The following NRXN2 variants were observed in gnomAD, a reference collection of about 807,000 sequenced individuals.
The protein encoded by NRXN2 is neurexin-2-beta.
A neutral mutation model predicts 128.8 loss-of-function variants in NRXN2; 29 were observed. The ratio of observed to expected loss-of-function variants is 0.23; its 90% confidence interval spans 0.17 to 0.31. The LOEUF is 0.31. NRXN2 is among the 10% of genes least tolerant of loss of function. The pLI is 1.00. For missense variants in NRXN2, 1,881 were observed against 2,452.6 expected, an observed-to-expected ratio of 0.77 and a Z score of 4.92; for synonymous variants, 1,098 against 1,075.2, an observed-to-expected ratio of 1.02 and a Z score of -0.41.
At chr11:64,720,584 C>T (rs773201060) in intron 1 of NRXN2, among the ~76,000 whole-genome samples, 26 of 151,836 alleles carry the variant, frequency 1.7e-4, no homozygotes, top group Non-Finnish European at 5.9e-5. Flanking sequence ...GGCCCTGCGC[C>T]GAAGGTACAA....
At position 64,713,075 on chromosome 11, in the gene NRXN2, C is replaced by A; in HGVS notation, c.625G>T (p.Ala209Ser). ...CCGCCGTTGGCGCAGGGGTTGCGCGCGGGCGCGCACAGCGGGTCGGCGGTG... is the reference window on the plus strand; with the variant it reads ...CCGCCGTTGGCGCAGGGGTTGCGCGAGGGCGCGCACAGCGGGTCGGCGGTG... ...GATADPLCAPARNPCANGGLC... is the reference protein window; with the variant it reads ...GATADPLCAPSRNPCANGGLC... The change falls in exon 2 of 23, where the codon GCG becomes TCG. Residue 209 changes from alanine to serine, a missense_variant. Physicochemically the swap from Ala to Ser is moderately conservative, Grantham distance 99. This residue lies in a region of NRXN2 where 997 missense variants were observed against 1,240.8 expected (regional missense o/e 0.80). Transcript: ENST00000265459. 1 of 1,294,548 alleles carries A rather than the reference C, an allele frequency of 7.7e-7. No individual in the cohort carries two copies. Among genetic ancestry groups the A allele is most frequent in the South Asian group, 2.6e-5 (1 of 38,368 alleles). The allele number at this position is 1,294,548 out of a possible 1,614,324, so 80.2% of individuals were successfully genotyped here.
In NRXN2 at chr11:64,723,104, C is replaced by T. The variant is rs1380667280; in HGVS notation, c.-378G>A. ...TCTCTCCCTCCCCGCCGCGTCCCCGCCCGCCCGCCCGCCCCGCCGCGGTGC... is the reference window on the plus strand; with the variant it reads ...TCTCTCCCTCCCCGCCGCGTCCCCGTCCGCCCGCCCGCCCCGCCGCGGTGC... On this transcript the variant is annotated 5_prime_UTR_variant, in exon 1 of 23. Coordinates refer to ENST00000265459, the MANE Select transcript of NRXN2 (RefSeq NM_015080.4). The T allele has an allele frequency of 7.7e-6, 1 of 130,706 alleles. No individual in the cohort carries two copies. Among genetic ancestry groups the T allele is most frequent in the East Asian group, 2.4e-4 (1 of 4,252 alleles). The allele number at this position is 130,706 out of a possible 1,614,324, so 8.1% of individuals were successfully genotyped here.
chr11:64,693,345 A>G (rs1158738394), intron 3 of NRXN2, among the ~76,000 whole-genome samples: 3 of 148,296 alleles, frequency 2.0e-5, no homozygotes, highest in Non-Finnish European at 4.5e-5. Context: ...AGGCGGAGAG[A>G]AAAAAAAACA....
chr11:64,626,087 G>A (rs542178548), intron 20 of NRXN2, among the ~76,000 whole-genome samples: 23 of 152,196 alleles, frequency 1.5e-4, no homozygotes, highest in Non-Finnish European at 2.4e-4. Flanking sequence ...CCAAGCCTCC[G>A]AGATGATTCT....
At chr11:64,616,071 A>T (rs1278454635) in intron 22 of NRXN2, among the ~76,000 whole-genome samples, 2 of 152,046 alleles carry the variant, frequency 1.3e-5, no homozygotes, top group Admixed American at 1.3e-4. Flanking sequence ...GCTTGGTGGG[A>T]GAGGTGCAGG....
intron 1 of NRXN2, among the ~76,000 whole-genome samples, chr11:64,719,597 CTGGGGA>C (rs2057381538): frequency 6.6e-6 from 1 of 151,986 alleles, no homozygotes; most frequent in East Asian, 1.9e-4. Context: ...CCTCATGGAG[CTGGGGA>C]AGCGGGTGGG....
intron 20 of NRXN2, among the ~76,000 whole-genome samples, chr11:64,624,726 C>T (rs537662922): frequency 6.6e-6 from 1 of 152,344 alleles, no homozygotes; most frequent in South Asian, 2.1e-4. Context: ...CAGGATTCAG[C>T]ACTTCCCAAA....
chr11:64,623,228 G>A lies in NRXN2; in HGVS notation c.3848-150C>T. 1 of 1,315,282 alleles carries A rather than the reference G, an allele frequency of 7.6e-7. No individual in the cohort carries two copies. Among genetic ancestry groups the A allele is most frequent in the South Asian group, 1.5e-5 (1 of 65,486 alleles). The allele number at this position is 1,315,282 out of a possible 1,614,324, so 81.5% of individuals were successfully genotyped here. A position where few individuals can be genotyped will look rare whatever the true frequency, so the allele number is the denominator to read the frequency against. On this transcript the variant is annotated intron_variant, in intron 20 of 22. Coordinates refer to ENST00000265459, the MANE Select transcript of NRXN2 (RefSeq NM_015080.4). The surrounding 1 kb of genome is among the most constrained non-coding windows in gnomAD (Gnocchi z 4.9). ...GAGGGGACGGGGAGAAATGAGGAAGGGGCAGAAAGCCAAAGGGAAAGTCCT... is the reference window on the plus strand; with the variant it reads ...GAGGGGACGGGGAGAAATGAGGAAGAGGCAGAAAGCCAAAGGGAAAGTCCT...
chr11:64,712,453 T>C, intron 2 of NRXN2, among the ~76,000 whole-genome samples: 1 of 138,746 alleles, frequency 7.2e-6, no homozygotes, highest in African/African-American at 2.8e-5. Flanking sequence ...CCCTGTCTCA[T>C]AAGCCCCACC....
At chr11:64,688,575 G>C in intron 5 of NRXN2, 6 of 985,390 alleles carry the variant, frequency 6.1e-6, no homozygotes, top group Non-Finnish European at 7.2e-6. Flanking sequence ...GCACCAGGGG[G>C]CGCTCTCCCC....
chr11:64,629,478 T>C (rs1198896202), intron 19 of NRXN2, among the ~76,000 whole-genome samples: 1 of 152,178 alleles, frequency 6.6e-6, no homozygotes. Context: ...TATTTCCATA[T>C]CTTTCCATTG....
chr11:64,694,351 G>C (rs1023928460), intron 3 of NRXN2, among the ~76,000 whole-genome samples: 1 of 152,238 alleles, frequency 6.6e-6, no homozygotes, highest in Non-Finnish European at 1.5e-5. Flanking sequence ...GAAGTAGCAA[G>C]GTTAAAGAGT....
At position 64,652,950 on chromosome 11, in the gene NRXN2, C is replaced by T. The variant is rs748346834; in HGVS notation, c.2416+746G>A. On this transcript the variant is annotated intron_variant, in intron 12 of 22. Transcript: ENST00000265459. ...CCCCCCCACCCCGAGGGCTCCAGCACGCACACAGCATGCCACACACACATG... is the reference window on the plus strand; with the variant it reads ...CCCCCCCACCCCGAGGGCTCCAGCATGCACACAGCATGCCACACACACATG... 2.6e-5 allele frequency among the ~76,000 whole-genome samples: 4 copies of T among 151,556 alleles called. No homozygotes were observed. In the East Asian group the frequency reaches 5.9e-4, roughly 22 times the overall value.
rs575989373 is a variant in NRXN2, at chr11:64,716,500, G to A, written c.-244-2557C>T. ...TATCTGGGTGGAGGGGCAGGGGGGC[G>A]AAGCGGCTGAGAGTCCAGGAGGTGG... On this transcript the variant is annotated intron_variant, in intron 1 of 22. Transcript: ENST00000265459. 1.1e-3 allele frequency among the ~76,000 whole-genome samples: 169 copies of A among 152,324 alleles called. 1 individual carries two copies. Among genetic ancestry groups the A allele is most frequent in the African/African-American group, 3.6e-3 (149 of 41,558 alleles).
chr11:64,716,049 G>A (rs1008125400), intron 1 of NRXN2, among the ~76,000 whole-genome samples: 5 of 152,166 alleles, frequency 3.3e-5, no homozygotes, highest in Non-Finnish European at 5.9e-5. Context: ...CCTCAGCAAA[G>A]GGACAACCCT....
rs2052845413 is a variant in NRXN2 at position 64,685,198 on chromosome 11, C to T, written c.1152+448G>A. On this transcript the variant is annotated intron_variant, in intron 6 of 22. Transcript: ENST00000265459. ...GTGCCTTGCTGCCCTAGTGTTGGGA[C>T]ACCCTCATCTGCTCCACCAGGCCAA... 2.6e-5 allele frequency among the ~76,000 whole-genome samples: 4 copies of T among 152,150 alleles called. 1 individual carries two copies. The highest frequency in any genetic ancestry group is 2.6e-4 in the Admixed American group (4 of 15,282).
At chr11:64,657,240 C>T (rs1049636310) in intron 11 of NRXN2, among the ~76,000 whole-genome samples, 2 of 152,234 alleles carry the variant, frequency 1.3e-5, no homozygotes, top group Non-Finnish European at 2.9e-5. Context: ...AGGAATGGGG[C>T]TCTTGAAGTG....
In NRXN2 at chr11:64,648,928, C is replaced by A. The variant is rs1384730955; in HGVS notation, c.3110-21G>T. On this transcript the variant is annotated intron_variant, in intron 15 of 22. Coordinates refer to ENST00000265459, the MANE Select transcript of NRXN2 (RefSeq NM_015080.4). This position sits in a 1 kb window ranked among gnomAD's most constrained non-coding sequence, Gnocchi z 4.1. ...CTCCCCTGCAAAGGGAGTGGGTCAA[C>A]CAAGGCATCCAGGTCCCCATTCCCA... 1.2e-6 allele frequency: 2 copies of A among 1,613,936 alleles called. No individual in the cohort carries two copies. The highest frequency in any genetic ancestry group is 3.3e-5 in the Admixed American group (2 of 60,032).
In NRXN2 at chr11:64,630,901, C is replaced by T. The variant is rs2043807291; in HGVS notation, c.3586-328G>A. On this transcript the variant is annotated intron_variant, in intron 18 of 22. Coordinates refer to ENST00000265459, the MANE Select transcript of NRXN2 (RefSeq NM_015080.4). This position sits in a 1 kb window ranked among gnomAD's most constrained non-coding sequence, Gnocchi z 4.6. ...GCCACTGGGCCCAGACAGGGGTGAT[C>T]GGGCCAAGCTGGGGACCAGCTCGGG... 6.6e-6 allele frequency among the ~76,000 whole-genome samples: 1 copy of T among 152,212 alleles called. No individual in the cohort carries two copies. The highest frequency in any genetic ancestry group is 2.4e-5 in the African/African-American group (1 of 41,462).
Sources: allele counts gnomAD v4.1 joint callset (sites outside exome capture counted in the v4.1 genomes callset), GRCh38; gene constraint gnomAD v4.1.1; regional missense constraint gnomAD v4.1.1; non-coding constraint Gnocchi (gnomAD v3.1); transcripts MANE v1.5; gene names NCBI Gene and HGNC (gene_info 2026-07-23, HGNC 2026-07-21).